Variants in DST observed in about 807,000 individuals in gnomAD.
The protein encoded by DST is dystonin.
DST carries 253 observed loss-of-function variants against 875.2 expected under a neutral mutation model. That is an observed-to-expected ratio of 0.29 (90% CI 0.26 to 0.32). DST has a LOEUF of 0.32. DST is among the 10% of genes least tolerant of loss of function. The pLI, the probability that DST is intolerant of heterozygous loss-of-function variation, is 1.00. For missense variants in DST, 8,287 were observed against 9,111.6 expected, an observed-to-expected ratio of 0.91 and a Z score of 3.68; for synonymous variants, 3,124 against 3,197.1, an observed-to-expected ratio of 0.98 and a Z score of 0.77.
Position 56,817,375 on chromosome 6 carries a change from C to T in DST, c.625+34022G>A, listed in dbSNP as rs181762057. 7.2e-5 allele frequency among the ~76,000 whole-genome samples: 11 copies of T among 152,206 alleles called. No homozygotes were observed. The East Asian group carries it at 1.9e-3, about 27-fold the overall frequency. ...GAATCTAAGGGCCATATGACTTTAT[C>T]TTACTTTTCAGATGAAGAAGACAAA... On this transcript the variant is annotated intron_variant, in intron 4 of 103. Coordinates refer to ENST00000680361, the MANE Select transcript of DST (RefSeq NM_001374736.1).
chr6:56,850,013 A>G (rs1451905628), intron 4 of DST, among the ~76,000 whole-genome samples: 1 of 152,168 alleles, frequency 6.6e-6, no homozygotes, highest in Non-Finnish European at 1.5e-5. Flanking sequence ...GGAGCCTCAG[A>G]CCTGCGGGAA....
intron 22 of DST, among the ~76,000 whole-genome samples, chr6:56,637,234 T>G (rs1341734924): frequency 2.0e-5 from 3 of 152,190 alleles, no homozygotes; most frequent in African/African-American, 7.2e-5. Context: ...TCTTTTCAAT[T>G]TTAAACTTCT....
rs370384005 is a variant in DST, at chr6:56,527,490, T to C, written c.17922+3A>G. ...AATCCAAAATGCAGAAATCAGAGCT[T>C]ACCTTTGGTCTCATTTGTGCTTGAC... On this transcript the variant is annotated splice_donor_region_variant and intron_variant, in intron 68 of 103. Transcript: ENST00000680361. The C allele has an allele frequency of 1.6e-5, 26 of 1,612,508 alleles. No individual in the cohort carries two copies. In the African/African-American group the frequency reaches 2.4e-4, roughly 15 times the overall value.
rs1570491 is a variant in DST, at chr6:56,485,880, T to G, written c.21048-409A>C. Reference sequence around the variant, plus strand: ...TCACCACAATCAAGATCCAGAACAGTTCAACCATCCCAAAAATCTTCCTCG... The same window carrying G: ...TCACCACAATCAAGATCCAGAACAGGTCAACCATCCCAAAAATCTTCCTCG... On this transcript the variant is annotated intron_variant, in intron 87 of 103. Transcript: ENST00000680361. Among the ~76,000 whole-genome samples, 19 of 152,246 alleles carry G rather than the reference T, an allele frequency of 1.2e-4. No individual in the cohort carries two copies. In the South Asian group the frequency reaches 3.9e-3, roughly 32 times the overall value.
intron 5 of DST, among the ~76,000 whole-genome samples, chr6:56,718,409 AG>A: frequency 6.6e-6 from 1 of 152,238 alleles, no homozygotes; most frequent in Non-Finnish European, 1.5e-5. Context: ...GACAATGACA[AG>A]TGTTAACAAG....
Position 56,605,557 on chromosome 6 carries a change from T to A in DST, c.9071A>T (p.Asp3024Val), listed in dbSNP as rs755138612. 1.2e-5 allele frequency: 19 copies of A among 1,613,160 alleles called. No homozygotes were observed. Among genetic ancestry groups the A allele is most frequent in the Non-Finnish European group, 1.5e-5 (18 of 1,179,372 alleles). ...GAGATCGCTTCCATTTCCTTGAGGATCTTTGTCAGTTACAGAGGCTATCAA... is the reference window on the plus strand; with the variant it reads ...GAGATCGCTTCCATTTCCTTGAGGAACTTTGTCAGTTACAGAGGCTATCAA... ...LSLIASVTDK[D>V]PQGNGSDLIK... The change falls in exon 40 of 104, where the codon GAT becomes GTT. Residue 3024 changes from aspartate to valine, a missense_variant. By Grantham distance (152) the Asp-to-Val change is radical. This residue lies in a region of DST where 3,138 missense variants were observed against 3,116.6 expected (regional missense o/e 1.01). Transcript: ENST00000680361.
chr6:56,940,774 G>C (rs376910757), intron 2 of DST, among the ~76,000 whole-genome samples: 111 of 151,228 alleles, frequency 7.3e-4, no homozygotes, highest in African/African-American at 2.5e-3. Flanking sequence ...TCTTTTTGGA[G>C]AGTTGGGATC....
chr6:56,846,116 G>A (rs2099806893), intron 4 of DST, among the ~76,000 whole-genome samples: 1 of 152,104 alleles, frequency 6.6e-6, no homozygotes, highest in Non-Finnish European at 1.5e-5. Context: ...TACTTCATGG[G>A]GTTCTTGGGA....
In DST at chr6:56,671,281, A is replaced by T. The variant is rs1410492147; in HGVS notation, c.1048-474T>A. ...TAATCAGATTTGTTAATACAACTTAAGGAGGTGTTTTCCAAGTTCAAGTAG... is the reference window on the plus strand; with the variant it reads ...TAATCAGATTTGTTAATACAACTTATGGAGGTGTTTTCCAAGTTCAAGTAG... On this transcript the variant is annotated intron_variant, in intron 9 of 103. Transcript: ENST00000680361. Among the ~76,000 whole-genome samples the T allele has an allele frequency of 5.3e-5, 8 of 152,234 alleles. No individual in the cohort carries two copies. In the East Asian group the frequency reaches 1.5e-3, roughly 29 times the overall value.
At chr6:56,720,102 G>A (rs149436489) in intron 5 of DST, among the ~76,000 whole-genome samples, 1 of 152,148 alleles carries the variant, frequency 6.6e-6, no homozygotes, top group Non-Finnish European at 1.5e-5. Context: ...TGGGAGACTG[G>A]AGTTTATTTC....
Position 56,603,191 on chromosome 6 carries a change from C to T in DST, c.11157+14G>A, listed in dbSNP as rs1157837271. Reference sequence around the variant, plus strand: ...TTTTCTTCATAAATCAAAATTTTGACATTTTATGCCTACCATTTCAGAGTC... The same window carrying T: ...TTTTCTTCATAAATCAAAATTTTGATATTTTATGCCTACCATTTCAGAGTC... On this transcript the variant is annotated intron_variant, in intron 42 of 103. Coordinates refer to ENST00000680361, the MANE Select transcript of DST (RefSeq NM_001374736.1). 1.9e-6 allele frequency: 3 copies of T among 1,577,758 alleles called. No individual in the cohort carries two copies. The highest frequency in any genetic ancestry group is 2.6e-6 in the Non-Finnish European group (3 of 1,162,010).
chr6:56,586,016 T>C (rs1418288742), intron 49 of DST, among the ~76,000 whole-genome samples: 2 of 151,942 alleles, frequency 1.3e-5, no homozygotes, highest in Non-Finnish European at 2.9e-5. Flanking sequence ...TACTTCCAAC[T>C]ATGTGGTCAG....
At chr6:56,616,905 T>C in intron 36 of DST, 1 of 1,611,994 alleles carries the variant, frequency 6.2e-7, no homozygotes, top group Non-Finnish European at 8.5e-7. Flanking sequence ...ACAGAATATG[T>C]CTGACCTGAA....
intron 45 of DST, among the ~76,000 whole-genome samples, chr6:56,599,577 T>A (rs2098423887): frequency 6.6e-6 from 1 of 152,118 alleles, no homozygotes; most frequent in South Asian, 2.1e-4. Context: ...AGCTATCTAC[T>A]TACAATGAAA....
intron 9 of DST, among the ~76,000 whole-genome samples, chr6:56,674,988 G>A (rs1218339827): frequency 2.6e-5 from 4 of 152,078 alleles, no homozygotes; most frequent in South Asian, 2.1e-4. Flanking sequence ...ACCTGGAAGC[G>A]TCACACTCCA....
intron 4 of DST, among the ~76,000 whole-genome samples, chr6:56,749,032 A>G (rs969571594): frequency 1.3e-5 from 2 of 152,218 alleles, no homozygotes; most frequent in Non-Finnish European, 2.9e-5. Context: ...AGAAATTTTC[A>G]TTCTTCTCAA....
intron 4 of DST, among the ~76,000 whole-genome samples, chr6:56,776,656 A>C (rs1215951256): frequency 6.6e-6 from 1 of 152,150 alleles, no homozygotes; most frequent in Non-Finnish European, 1.5e-5. Context: ...AATTTTTTTT[A>C]ATTTCAAAAG....
intron 92 of DST, 156 bp from the exon 93 acceptor site, chr6:56,474,158 A>G: frequency 1.6e-6 from 1 of 624,032 alleles, no homozygotes. Flanking sequence ...AATCTAAACC[A>G]TCATACTGCA....
intron 4 of DST, among the ~76,000 whole-genome samples, chr6:56,806,496 G>C (rs1253600887): frequency 1.3e-5 from 2 of 152,236 alleles, no homozygotes; most frequent in Non-Finnish European, 2.9e-5. Flanking sequence ...TCCAAAGGAA[G>C]AATGTGTAAA....
Sources: allele counts gnomAD v4.1 joint callset (sites outside exome capture counted in the v4.1 genomes callset), GRCh38; gene constraint gnomAD v4.1.1; regional missense constraint gnomAD v4.1.1; transcripts MANE v1.5; gene names NCBI Gene and HGNC (gene_info 2026-07-23, HGNC 2026-07-21).